The following KRTCAP3 variants were observed in gnomAD, a reference collection of about 807,000 sequenced individuals.
The protein encoded by KRTCAP3 is keratinocyte associated protein 3.
Under a neutral mutation model 20.5 loss-of-function variants are expected in KRTCAP3, and 18 were observed. The ratio of observed to expected loss-of-function variants is 0.88; its 90% CI spans 0.61 to 1.31. The LOEUF is 1.31. KRTCAP3 is among the 50% of genes most tolerant of loss of function. The probability of loss-of-function intolerance (pLI) is 0.00; values close to 1 mark genes in which losing one functional copy is unlikely to be tolerated. For missense variants in KRTCAP3, 347 were observed against 310.4 expected, an observed-to-expected ratio of 1.12 and a Z score of -0.89; for synonymous variants, 167 against 133.7, an observed-to-expected ratio of 1.25 and a Z score of -1.72.
chr2:27,445,688 C>G, downstream of KRTCAP3: 5 of 1,584,906 alleles, frequency 3.2e-6, no homozygotes, highest in Non-Finnish European at 4.3e-6. The surrounding 1 kb of genome is among the most constrained non-coding windows in gnomAD (Gnocchi z 4.4). Flanking sequence ...GATATTCTCC[C>G]TCCTCAAGGC....
At chr2:27,442,959 C>T (rs533810460) in intron 3 of KRTCAP3, 58 bp downstream of exon 3, 14 of 1,594,710 alleles carry the variant, frequency 8.8e-6, no homozygotes, top group Middle Eastern at 1.7e-4. Flanking sequence ...GAAATGGGGG[C>T]TGACTGAGCT....
chr2:27,444,586 C>T (rs532172685), downstream of KRTCAP3: 35 of 1,299,432 alleles, frequency 2.7e-5, no homozygotes, highest in Admixed American at 7.4e-5. Flanking sequence ...TCAGCTCCAT[C>T]GCAGGCTTCA....
chr2:27,442,460 GTC>G lies in KRTCAP3; in HGVS notation c.28+23_28+24del. 1 of 1,566,360 alleles carries G rather than the reference GTC, an allele frequency of 6.4e-7. No individual in the cohort carries two copies. The highest frequency in any genetic ancestry group is 8.7e-7 in the Non-Finnish European group (1 of 1,155,802). Reference sequence around the variant, plus strand: ...CTTTCGGTAACTTCCGGGCCCTGGCGTCTCGTCTCCTTACCCTGGGGCTACCC... The same window carrying G: ...CTTTCGGTAACTTCCGGGCCCTGGCGTCGTCTCCTTACCCTGGGGCTACCC... On this transcript the variant is annotated intron_variant, in intron 1 of 6. Coordinates refer to ENST00000288873, the MANE Select transcript of KRTCAP3 (RefSeq NM_173853.4).
chr2:27,444,629 A>G, downstream of KRTCAP3: 1 of 819,502 alleles, frequency 1.2e-6, no homozygotes, highest in Non-Finnish European at 2.0e-6. Context: ...AATCCCACCC[A>G]TCTTTCTAGT....
At chr2:27,443,589 T>G (rs1572702537) in intron 5 of KRTCAP3, 57 bp downstream of exon 5, 1 of 1,599,474 alleles carries the variant, frequency 6.3e-7, no homozygotes, top group South Asian at 1.1e-5. Context: ...GTTGAAAAGA[T>G]GCTGACCGGC....
downstream of KRTCAP3, chr2:27,444,417 C>T: frequency 2.5e-6 from 4 of 1,570,350 alleles, no homozygotes; most frequent in Non-Finnish European, 3.5e-6. Context: ...CCTAACTCTT[C>T]CTCAGCTCTA....
intron 5 of KRTCAP3, 50 bp downstream of exon 5, chr2:27,443,582 GA>G (rs766309351): frequency 1.2e-6 from 2 of 1,607,344 alleles, no homozygotes; most frequent in Non-Finnish European, 1.7e-6. Flanking sequence ...TGGCTGTGTT[GA>G]AAAGATGCTG....
rs557163507 is a variant in KRTCAP3, at chr2:27,443,120, T to C, written c.320T>C (p.Val107Ala). ...ALALVNLLLS[V>A]ACSLGLLLAV... ...GCTCTGGTGAACCTGCTCTTGTCCG[T>C]TGCCTGCTCCCTGGGCCTCCTTCTT... The change falls in exon 4 of 7, where the codon GTT becomes GCT. Residue 107 changes from valine to alanine, a missense_variant. Coordinates refer to ENST00000288873, the MANE Select transcript of KRTCAP3 (RefSeq NM_173853.4). 1.9e-6 allele frequency: 3 copies of C among 1,614,098 alleles called. No homozygotes were observed. Among genetic ancestry groups the C allele is most frequent in the African/African-American group, 2.7e-5 (2 of 75,054 alleles).
At position 27,444,039 on chromosome 2, in the gene KRTCAP3, C is replaced by T. The variant is rs1321413213; in HGVS notation, c.706C>T (p.Gln236Ter). The T allele has an allele frequency of 6.2e-7, 1 of 1,612,672 alleles. No individual in the cohort carries two copies. The highest frequency in any genetic ancestry group is 8.5e-7 in the Non-Finnish European group (1 of 1,178,648). Residue 236 changes from glutamine (Q) to a stop codon, truncating the protein, a stop_gained, in exon 6 of 7, where the codon CAG (glutamine) becomes TAG (stop). Coordinates refer to ENST00000288873, the MANE Select transcript of KRTCAP3 (RefSeq NM_173853.4). LOFTEE classifies it low-confidence loss of function (END_TRUNC). ...TCAAAATCAAGAAATCCGGGCATCACAGAGAAGTTGGGTTTAGGACAGGTA... is the reference window on the plus strand; with the variant it reads ...TCAAAATCAAGAAATCCGGGCATCATAGAGAAGTTGGGTTTAGGACAGGTA... ...LDQNQEIRAS[Q>*]RSWV
At position 27,442,631 on chromosome 2, in the gene KRTCAP3, G is replaced by A; in HGVS notation, c.81G>A (p.Leu27=). The A allele has an allele frequency of 6.4e-7, 1 of 1,572,614 alleles. No homozygotes were observed. ...TGCGTGTGGGCCTCGCGCTGATCTTGGTGGGCCACGTGAACCTGCTGCTGG... is the reference window on the plus strand; with the variant it reads ...TGCGTGTGGGCCTCGCGCTGATCTTAGTGGGCCACGTGAACCTGCTGCTGG... The part of the protein sequence containing the change: ...RLMRVGLALI[L]VGHVNLLLGA... Residue 27 remains leucine, a synonymous_variant, in exon 2 of 7, where the codon TTG becomes TTA. Transcript: ENST00000288873.
intron 5 of KRTCAP3, 69 bp downstream of exon 5, chr2:27,443,601 G>A (rs973437271): frequency 1.5e-5 from 24 of 1,553,552 alleles, no homozygotes; most frequent in Middle Eastern, 3.4e-4. Context: ...CTGACCGGCC[G>A]GGTGCGGAGG....
downstream of KRTCAP3, chr2:27,444,391 T>C (rs778920690): frequency 7.7e-7 from 1 of 1,304,392 alleles, no homozygotes; most frequent in Admixed American, 1.9e-5. Flanking sequence ...TTATAAAACT[T>C]TAATGAGGGA....
chr2:27,442,720 A>T lies in KRTCAP3; in HGVS notation c.170A>T (p.Glu57Val). 6.2e-7 allele frequency: 1 copy of T among 1,602,364 alleles called. No individual in the cohort carries two copies. Among genetic ancestry groups the T allele is most frequent in the Non-Finnish European group, 8.5e-7 (1 of 1,173,626 alleles). Residue 57 changes from glutamate to valine, a missense_variant, in exon 2 of 7, where the codon GAG becomes GTG. Physicochemically the swap from Glu to Val is moderately radical, Grantham distance 121 (BLOSUM62 -2). Transcript: ENST00000288873. ...AATCCCCGCGGCGCTGTCACGCCGGAGTACACCGTAGCCAATGTCATCTCT... is the reference window on the plus strand; with the variant it reads ...AATCCCCGCGGCGCTGTCACGCCGGTGTACACCGTAGCCAATGTCATCTCT... ...VANPRGAVTP[E>V]YTVANVISVG...
chr2:27,444,650 G>A, downstream of KRTCAP3: 2 of 620,952 alleles, frequency 3.2e-6, no homozygotes, highest in South Asian at 3.8e-5. Context: ...GTGTATGTGG[G>A]TTTTTTGTTT....
downstream of KRTCAP3, chr2:27,444,347 G>T: frequency 3.6e-6 from 3 of 832,962 alleles, no homozygotes; most frequent in South Asian, 4.6e-5. Context: ...TGTTGGGAAT[G>T]ACTTTGATCA....
chr2:27,445,174 C>CT, downstream of KRTCAP3: 1 of 1,600,778 alleles, frequency 6.2e-7, no homozygotes, highest in Non-Finnish European at 8.5e-7. The surrounding 1 kb of genome is among the most constrained non-coding windows in gnomAD (Gnocchi z 4.4). Context: ...GAGGAGCAGC[C>CT]TGGGGGGTAG....
downstream of KRTCAP3, chr2:27,445,111 G>T: frequency 6.2e-7 from 1 of 1,613,748 alleles, no homozygotes; most frequent in Non-Finnish European, 8.5e-7. This position sits in a 1 kb window ranked among gnomAD's most constrained non-coding sequence, Gnocchi z 4.4. Flanking sequence ...GTATCCTGTG[G>T]AGGAAGAAAA....
downstream of KRTCAP3, chr2:27,444,564 G>A (rs946599676): frequency 3.3e-6 from 5 of 1,499,302 alleles, no homozygotes; most frequent in African/African-American, 5.5e-5. Flanking sequence ...TGTTAATGCT[G>A]GAAATACAAA....
Position 27,444,081 on chromosome 2 carries a change from GT to G in KRTCAP3, c.*5+21del, listed in dbSNP as rs1553319783. ...GGACAGGTAATGGGCCTTGAAGGTG[GT>G]GGCCCGGGTAAGAGCGGGGACAAGG... On this transcript the variant is annotated intron_variant, in intron 6 of 6. Coordinates refer to ENST00000288873, the MANE Select transcript of KRTCAP3 (RefSeq NM_173853.4). 1 of 1,398,908 alleles carries G rather than the reference GT, an allele frequency of 7.1e-7. No individual in the cohort carries two copies. The highest frequency in any genetic ancestry group is 1.4e-5 in the African/African-American group (1 of 70,894). The allele number at this position is 1,398,908 out of a possible 1,614,324, so 86.7% of individuals were successfully genotyped here.
Sources: gnomAD v4.1 joint callset for allele counts on GRCh38, gnomAD v4.1.1 for gene constraint, Gnocchi (gnomAD v3.1) non-coding constraint, MANE v1.5 for transcripts, NCBI Gene and HGNC (gene_info 2026-07-23, HGNC 2026-07-21) for gene names.